RORA: variants seen among roughly 807,000 people sequenced by gnomAD.
RORA encodes nuclear receptor ROR-alpha.
Under a neutral mutation model 69.5 loss-of-function variants are expected in RORA, and 7 were observed. The ratio of observed to expected loss-of-function variants is 0.10; its 90% CI spans 0.06 to 0.19. RORA has a LOEUF of 0.19. Ranked by LOEUF, RORA falls within the 10% of genes least tolerant of loss-of-function variation. RORA has a pLI of 1.00. For synonymous variants in RORA, 261 were observed against 240.8 expected (o/e 1.08, Z -0.78); for missense variants, 457 against 663.0 (o/e 0.69, Z 3.41).
At chr15:61,178,667 C>A (rs571019156) in intron 1 of RORA, among the ~76,000 whole-genome samples, 1 of 151,924 alleles carries the variant, frequency 6.6e-6, no homozygotes, top group African/African-American at 2.4e-5. Context: ...ATAAAAGATA[C>A]TCTATGTGAA....
chr15:60,972,940 C>A (rs549801154), intron 1 of RORA, among the ~76,000 whole-genome samples: 3 of 151,906 alleles, frequency 2.0e-5, no homozygotes, highest in Non-Finnish European at 4.4e-5. Context: ...ATTCAAGATC[C>A]CCTTCTCTCT....
intron 1 of RORA, among the ~76,000 whole-genome samples, chr15:61,127,561 A>C (rs756897088): frequency 2.6e-5 from 4 of 152,320 alleles, no homozygotes; most frequent in South Asian, 4.1e-4. Context: ...GTTTTCTTAC[A>C]ACATGATGCA....
chr15:60,558,416 T>C, intron 2 of RORA: 1 of 638,992 alleles, frequency 1.6e-6, no homozygotes, highest in East Asian at 2.9e-5. Flanking sequence ...TTTTTGTGTG[T>C]ACCATAATTT....
chr15:60,945,988 T>C (rs1163174852), intron 1 of RORA, among the ~76,000 whole-genome samples: 1 of 152,064 alleles, frequency 6.6e-6, no homozygotes, highest in Non-Finnish European at 1.5e-5. Context: ...CCACCCTGAG[T>C]TCAGGCTGGG....
Position 60,496,420 on chromosome 15 carries a change from C to A in RORA, c.*1035G>T, listed in dbSNP as rs898024568. 1 of 152,024 alleles carries A rather than the reference C, an allele frequency of 6.6e-6. No individual in the cohort carries two copies. The allele number at this position is 152,024 out of a possible 1,614,324, so 9.4% of individuals were successfully genotyped here. Reference sequence around the variant, plus strand: ...TTGTGTAAAATGAGCTTCTCCTCCCCCTCGCCTCCATGAGGTGGCATTTTA... The same window carrying A: ...TTGTGTAAAATGAGCTTCTCCTCCCACTCGCCTCCATGAGGTGGCATTTTA... On this transcript the variant is annotated 3_prime_UTR_variant, in exon 11 of 11. Transcript: ENST00000335670. This position sits in a 1 kb window ranked among gnomAD's most constrained non-coding sequence, Gnocchi z 4.5.
At chr15:60,934,555 G>C (rs1233196515) in intron 1 of RORA, among the ~76,000 whole-genome samples, 4 of 152,048 alleles carry the variant, frequency 2.6e-5, no homozygotes, top group African/African-American at 9.7e-5. Context: ...GGCTGGTCTG[G>C]TCTTGAACTA....
intron 1 of RORA, among the ~76,000 whole-genome samples, chr15:60,881,821 G>A (rs552453998): frequency 1.4e-4 from 21 of 152,182 alleles, no homozygotes; most frequent in African/African-American, 3.6e-4. Context: ...AAATGTTTTC[G>A]TGTGTCTGCT....
intron 1 of RORA, among the ~76,000 whole-genome samples, chr15:60,810,207 C>T (rs1200507190): frequency 2.0e-5 from 3 of 152,138 alleles, no homozygotes; most frequent in East Asian, 3.8e-4. Context: ...TTGTTCTAAC[C>T]TCACATTAAT....
At chr15:61,068,347 A>G (rs1325222930) in intron 1 of RORA, among the ~76,000 whole-genome samples, 1 of 152,224 alleles carries the variant, frequency 6.6e-6, no homozygotes, top group East Asian at 1.9e-4. Context: ...CTCCATTCAG[A>G]GAAGTAACAT....
At chr15:61,104,716 G>T (rs571876820) in intron 1 of RORA, among the ~76,000 whole-genome samples, 2 of 152,142 alleles carry the variant, frequency 1.3e-5, no homozygotes, top group Non-Finnish European at 2.9e-5. Context: ...CTGCCACAGG[G>T]TCTTTGCATA....
chr15:60,619,670 C>T (rs898351212), intron 2 of RORA, among the ~76,000 whole-genome samples: 36 of 152,168 alleles, frequency 2.4e-4, no homozygotes, highest in African/African-American at 8.2e-4. Flanking sequence ...AAGTTGGTCC[C>T]CACATTTTCT....
At chr15:60,804,287 C>CAAAAAAAAAAA (rs5813037) in intron 1 of RORA, among the ~76,000 whole-genome samples, 1 of 58,158 alleles carries the variant, frequency 1.7e-5, no homozygotes. Flanking sequence ...AACTCCATCT[C>CAAAAAAAAAAA]AAAAAAAAAA....
At chr15:61,090,633 T>A (rs1595974019) in intron 1 of RORA, among the ~76,000 whole-genome samples, 1 of 152,148 alleles carries the variant, frequency 6.6e-6, no homozygotes, top group Non-Finnish European at 1.5e-5. Flanking sequence ...AGGTCTTAAA[T>A]CTCTAGCCCA....
At chr15:60,627,710 T>A (rs1047692073) in intron 2 of RORA, among the ~76,000 whole-genome samples, 1 of 152,202 alleles carries the variant, frequency 6.6e-6, no homozygotes, top group Admixed American at 6.5e-5. Context: ...TAGGCTCAAA[T>A]TAACCTTTTC....
chr15:61,157,853 T>C lies in RORA; in HGVS notation c.166+71200A>G, dbSNP rs370475528. On this transcript the variant is annotated intron_variant, in intron 1 of 10. Coordinates refer to ENST00000335670, the MANE Select transcript of RORA (RefSeq NM_134261.3). ...GGAAGGAATGAAAACAAACCCAGCA[T>C]TGGGATAATCGCCCCATCCCTCAGA... Among the ~76,000 whole-genome samples the C allele has an allele frequency of 2.6e-5, 4 of 152,162 alleles. No homozygotes were observed. In the East Asian group the frequency reaches 5.8e-4, roughly 22 times the overall value.
At chr15:60,941,729 G>C (rs1451383192) in intron 1 of RORA, among the ~76,000 whole-genome samples, 4 of 152,172 alleles carry the variant, frequency 2.6e-5, no homozygotes, top group Non-Finnish European at 4.4e-5. Context: ...GCAATTATGA[G>C]TCATTCCACA....
rs546156006 is a variant in RORA, at chr15:60,562,529, G to A, written c.197-30678C>T. ...CGGCCCACTGCAACCTCTGCCTCCC[G>A]GGTTCAGGCGATTCTCCTGCCTCAG... On this transcript the variant is annotated intron_variant, in intron 2 of 10. Transcript: ENST00000335670. 5.1e-3 allele frequency among the ~76,000 whole-genome samples: 778 copies of A among 151,270 alleles called. 12 individuals are homozygous for A. The highest frequency in any genetic ancestry group is 0.018 in the African/African-American group (737 of 41,148).
At chr15:61,075,228 A>C (rs762522021) in intron 1 of RORA, among the ~76,000 whole-genome samples, 1 of 152,278 alleles carries the variant, frequency 6.6e-6, no homozygotes, top group Middle Eastern at 3.4e-3. Flanking sequence ...AAGTTCCCAG[A>C]CACAAAAGCA....
intron 2 of RORA, chr15:60,547,909 G>A (rs1037503411): frequency 1.2e-4 from 18 of 152,114 alleles, no homozygotes; most frequent in Non-Finnish European, 1.9e-4. Context: ...CTCCTAGTAC[G>A]TTTGCTAAAA....
Sources: allele counts gnomAD v4.1 joint callset (sites outside exome capture counted in the v4.1 genomes callset), GRCh38; gene constraint gnomAD v4.1.1; non-coding constraint Gnocchi (gnomAD v3.1); transcripts MANE v1.5; gene names NCBI Gene and HGNC (gene_info 2026-07-23, HGNC 2026-07-21).